Variants in MYO1D observed in about 807,000 individuals in gnomAD.
MYO1D encodes the protein myosin ID, also known as unconventional myosin-Id.
In MYO1D, 83 loss-of-function variants were observed where a neutral mutation model predicts 122.0. That is an observed-to-expected ratio of 0.68 (90% confidence interval 0.57 to 0.82). The LOEUF (loss-of-function observed/expected upper bound fraction) is 0.82, where lower values mean the gene tolerates loss of function less well. Among genes scored for constraint, MYO1D ranks in the 40% least tolerant of loss-of-function variants. MYO1D has a pLI of 0.00. For missense variants in MYO1D, 1,157 were observed against 1,269.5 expected (o/e 0.91, Z 1.35); for synonymous variants, 464 against 446.9 (o/e 1.04, Z -0.48).
chr17:32,699,829 C>T (rs2089222953), intron 16 of MYO1D, among the ~76,000 whole-genome samples: 1 of 152,028 alleles, frequency 6.6e-6, no homozygotes, highest in African/African-American at 2.4e-5. Context: ...TTGCAATTTT[C>T]CATAATAAAA....
chr17:32,803,441 G>T (rs9902227), intron 1 of MYO1D, among the ~76,000 whole-genome samples: 5,877 of 152,040 alleles, frequency 0.039, 369 homozygotes, highest in African/African-American at 0.13. Context: ...CCACCACGCC[G>T]GGCCCAGAAC....
chr17:32,837,315 T>C (rs1859409056), intron 1 of MYO1D, among the ~76,000 whole-genome samples: 1 of 150,900 alleles, frequency 6.6e-6, no homozygotes, highest in South Asian at 2.1e-4. Flanking sequence ...CTTTAAATGT[T>C]CTAGCTATGA....
chr17:32,636,473 T>G, intron 20 of MYO1D, among the ~76,000 whole-genome samples: 1 of 152,228 alleles, frequency 6.6e-6, no homozygotes, highest in Admixed American at 6.5e-5. Flanking sequence ...TGCTTCAGAC[T>G]TAAAAACAAT....
chr17:32,838,097 C>G (rs932025209), intron 1 of MYO1D, among the ~76,000 whole-genome samples: 7 of 151,984 alleles, frequency 4.6e-5, no homozygotes, highest in African/African-American at 1.4e-4. Flanking sequence ...AATATTTTTT[C>G]CCTACAATAT....
chr17:32,822,851 G>A (rs1436874862), intron 1 of MYO1D, among the ~76,000 whole-genome samples: 4 of 151,622 alleles, frequency 2.6e-5, no homozygotes, highest in Non-Finnish European at 5.9e-5. Context: ...GCGGGCGTGA[G>A]ACTCAGCCGG....
chr17:32,515,981 CTCCG>C (rs1326347247), intron 21 of MYO1D, among the ~76,000 whole-genome samples: 2 of 152,250 alleles, frequency 1.3e-5, no homozygotes, highest in African/African-American at 4.8e-5. Context: ...CTACCCCCTG[CTCCG>C]ATACACACTT....
At chr17:32,532,723 CAAA>C (rs71144833) in intron 21 of MYO1D, among the ~76,000 whole-genome samples, 63 of 99,650 alleles carry the variant, frequency 6.3e-4, no homozygotes, top group African/African-American at 2.1e-3. Flanking sequence ...GACTCCGTCT[CAAA>C]AAAAAAAAAA....
At chr17:32,754,069 T>A (rs965040090) in intron 11 of MYO1D, among the ~76,000 whole-genome samples, 2 of 152,206 alleles carry the variant, frequency 1.3e-5, no homozygotes, top group Non-Finnish European at 2.9e-5. Flanking sequence ...TTATTTGACA[T>A]GATTGGGAAC....
At chr17:32,711,412 C>G (rs2089374516) in intron 16 of MYO1D, among the ~76,000 whole-genome samples, 1 of 152,188 alleles carries the variant, frequency 6.6e-6, no homozygotes, top group Admixed American at 6.5e-5. Flanking sequence ...CTTTGGGAGG[C>G]CGAGGTGGGC....
chr17:32,691,326 C>T (rs1339151420), intron 16 of MYO1D, among the ~76,000 whole-genome samples: 1 of 150,332 alleles, frequency 6.7e-6, no homozygotes, highest in Non-Finnish European at 1.5e-5. Flanking sequence ...GCCAATCGCT[C>T]TTCATCTCCA....
At chr17:32,524,709 C>T (rs1205214352) in intron 21 of MYO1D, among the ~76,000 whole-genome samples, 1 of 151,952 alleles carries the variant, frequency 6.6e-6, no homozygotes, top group African/African-American at 2.4e-5. Flanking sequence ...ATTACAGGTG[C>T]CCACCACCAT....
At chr17:32,652,719 G>C (rs2088409117) in intron 19 of MYO1D, among the ~76,000 whole-genome samples, 1 of 151,880 alleles carries the variant, frequency 6.6e-6, no homozygotes, top group South Asian at 2.1e-4. Flanking sequence ...AGCAGCCCAA[G>C]TATCCTGCAC....
intron 16 of MYO1D, among the ~76,000 whole-genome samples, chr17:32,673,170 C>T (rs114885033): frequency 0.016 from 1,826 of 115,844 alleles, 40 homozygotes; most frequent in African/African-American, 0.056. Context: ...AGTGCAGTAT[C>T]TTGGCTCATT....
intron 21 of MYO1D, among the ~76,000 whole-genome samples, chr17:32,555,435 A>G (rs2087059669): frequency 6.6e-6 from 1 of 151,602 alleles, no homozygotes; most frequent in South Asian, 2.1e-4. Context: ...AATGGTTTGA[A>G]TGTGTGCTTC....
At chr17:32,567,078 G>C (rs551018580) in intron 21 of MYO1D, among the ~76,000 whole-genome samples, 1 of 152,082 alleles carries the variant, frequency 6.6e-6, no homozygotes, top group East Asian at 1.9e-4. Context: ...CAAAGCTACT[G>C]AGAAAACAGG....
rs144361459 is a variant in MYO1D, at chr17:32,742,506, C to T, written c.1613+2705G>A. Among the ~76,000 whole-genome samples, 89 of 152,332 alleles carry T rather than the reference C, an allele frequency of 5.8e-4. No homozygotes were observed. In the East Asian group the frequency reaches 8.9e-3, roughly 15 times the overall value. On this transcript the variant is annotated intron_variant, in intron 13 of 21. Transcript: ENST00000318217. Reference sequence around the variant, plus strand: ...TTCACAAAGTTAACAAACATCACCTCGTGCAGCCTCTTGGTACAGAGACTG... The same window carrying T: ...TTCACAAAGTTAACAAACATCACCTTGTGCAGCCTCTTGGTACAGAGACTG...
chr17:32,558,770 C>T (rs1179322965), intron 21 of MYO1D, among the ~76,000 whole-genome samples: 4 of 152,184 alleles, frequency 2.6e-5, no homozygotes, highest in African/African-American at 7.2e-5. Context: ...TACCCTACAT[C>T]TGACAGGGAG....
chr17:32,810,705 G>C (rs1211982695), intron 1 of MYO1D, among the ~76,000 whole-genome samples: 1 of 152,088 alleles, frequency 6.6e-6, no homozygotes, highest in Non-Finnish European at 1.5e-5. Flanking sequence ...TCGAACTCCT[G>C]ACCTCAAGTG....
intron 1 of MYO1D, among the ~76,000 whole-genome samples, chr17:32,808,795 C>T (rs1225828742): frequency 6.6e-6 from 1 of 152,146 alleles, no homozygotes; most frequent in Non-Finnish European, 1.5e-5. Flanking sequence ...CTCACAAAAA[C>T]TCAACTATGT....
Sources: gnomAD v4.1 joint callset for allele counts (sites outside exome capture counted in the v4.1 genomes callset) on GRCh38, gnomAD v4.1.1 for gene constraint, MANE v1.5 for transcripts, NCBI Gene and HGNC (gene_info 2026-07-23, HGNC 2026-07-21) for gene names.